Variants in IMMP2L observed in about 807,000 individuals in gnomAD.
The protein encoded by IMMP2L is inner mitochondrial membrane peptidase subunit 2, also known as mitochondrial inner membrane protease subunit 2.
IMMP2L carries 18 observed loss-of-function variants against 19.3 expected under a neutral mutation model. The ratio of observed to expected loss-of-function variants is 0.93; its 90% CI spans 0.64 to 1.38. The LOEUF is 1.38. IMMP2L is among the 40% of genes most tolerant of loss of function. IMMP2L has a pLI of 0.00. For missense variants in IMMP2L, 233 were observed against 218.2 expected (o/e 1.07, Z -0.43); for synonymous variants, 76 against 73.0 (o/e 1.04, Z -0.21).
At chr7:111,548,648 T>A (rs1012073476) in intron 1 of IMMP2L, among the ~76,000 whole-genome samples, 3 of 152,174 alleles carry the variant, frequency 2.0e-5, no homozygotes, top group Admixed American at 2.0e-4. Flanking sequence ...TATAGTTTTT[T>A]TTATAATTTT....
intron 3 of IMMP2L, among the ~76,000 whole-genome samples, chr7:111,397,128 A>G (rs1832956801): frequency 6.6e-6 from 1 of 152,092 alleles, no homozygotes; most frequent in South Asian, 2.1e-4. Flanking sequence ...AGAAAATAAA[A>G]TCACTTATAA....
chr7:111,008,250 C>A (rs889636724), intron 3 of IMMP2L, among the ~76,000 whole-genome samples: 1 of 152,102 alleles, frequency 6.6e-6, no homozygotes, highest in Middle Eastern at 3.4e-3. Context: ...TACTATGACT[C>A]CCCCAATACT....
intron 5 of IMMP2L, among the ~76,000 whole-genome samples, chr7:110,681,799 T>G (rs1055522268): frequency 6.6e-6 from 1 of 151,632 alleles, no homozygotes; most frequent in Admixed American, 6.6e-5. Context: ...GGAGAAGAGG[T>G]TGTAGGAATT....
chr7:110,929,544 C>A lies in IMMP2L; in HGVS notation c.305+33956G>T, dbSNP rs1353177091. ...AGAAAGAAGTTGCTTTCTGTTCAGG[C>A]TGTTTCTATACAAGTACTGAGCATT... On this transcript the variant is annotated intron_variant, in intron 4 of 5. Transcript: ENST00000405709. Among the ~76,000 whole-genome samples, 5 of 152,256 alleles carry A rather than the reference C, an allele frequency of 3.3e-5. 1 individual carries two copies. In the South Asian group the frequency reaches 1.0e-3, roughly 32 times the overall value.
At chr7:111,016,727 T>C (rs1165444003) in intron 3 of IMMP2L, among the ~76,000 whole-genome samples, 1 of 97,758 alleles carries the variant, frequency 1.0e-5, no homozygotes, top group African/African-American at 4.3e-5. Context: ...TATTTATATA[T>C]AAAATATATA....
At chr7:111,405,706 C>T (rs1833848721) in intron 3 of IMMP2L, among the ~76,000 whole-genome samples, 1 of 152,048 alleles carries the variant, frequency 6.6e-6, no homozygotes, top group African/African-American at 2.4e-5. Flanking sequence ...TCCCATTATT[C>T]CTAACCTCTA....
intron 5 of IMMP2L, among the ~76,000 whole-genome samples, chr7:110,751,148 C>T (rs867904907): frequency 1.3e-5 from 2 of 151,296 alleles, no homozygotes; most frequent in South Asian, 2.1e-4. Context: ...CTTTCCACTT[C>T]GTCCCTCACT....
At chr7:111,347,036 GAGA>G (rs1827635901) in intron 3 of IMMP2L, among the ~76,000 whole-genome samples, 1 of 152,012 alleles carries the variant, frequency 6.6e-6, no homozygotes, top group South Asian at 2.1e-4. Context: ...GATTGATAAG[GAGA>G]AGAAGGAAAA....
chr7:110,837,741 G>C (rs540878635), intron 5 of IMMP2L, among the ~76,000 whole-genome samples: 1 of 152,128 alleles, frequency 6.6e-6, no homozygotes, highest in African/African-American at 2.4e-5. Flanking sequence ...GATGAATGGG[G>C]GTTGGGAGGA....
At chr7:110,769,072 T>C (rs1680691996) in intron 5 of IMMP2L, among the ~76,000 whole-genome samples, 2 of 152,220 alleles carry the variant, frequency 1.3e-5, no homozygotes, top group South Asian at 2.1e-4. Flanking sequence ...TTTTGCCTGA[T>C]AGCACAATTT....
chr7:111,115,500 G>A (rs1799768099), intron 3 of IMMP2L, among the ~76,000 whole-genome samples: 1 of 151,920 alleles, frequency 6.6e-6, no homozygotes, highest in Admixed American at 6.6e-5. Flanking sequence ...ATGTGCCTGT[G>A]ATTAAGATTT....
chr7:110,977,727 C>T (rs1295444011), intron 3 of IMMP2L, among the ~76,000 whole-genome samples: 2 of 151,610 alleles, frequency 1.3e-5, no homozygotes, highest in African/African-American at 4.8e-5. Flanking sequence ...TCCTCTTTCC[C>T]TTCTTTCCTT....
chr7:111,253,685 A>T (rs549154742), intron 3 of IMMP2L, among the ~76,000 whole-genome samples: 12 of 152,310 alleles, frequency 7.9e-5, no homozygotes, highest in Admixed American at 5.9e-4. Flanking sequence ...ATTGAGGTCA[A>T]GATTTGCTAC....
chr7:111,469,798 C>A (rs1220115161), intron 3 of IMMP2L, among the ~76,000 whole-genome samples: 1 of 152,072 alleles, frequency 6.6e-6, no homozygotes, highest in African/African-American at 2.4e-5. Flanking sequence ...CAATACCATT[C>A]AGGACATAGG....
At chr7:110,828,458 T>G (rs1248747368) in intron 5 of IMMP2L, among the ~76,000 whole-genome samples, 1 of 152,172 alleles carries the variant, frequency 6.6e-6, no homozygotes, top group Non-Finnish European at 1.5e-5. Context: ...CTGTTTCTTA[T>G]GTCAAATCAA....
At chr7:110,777,982 AAC>A (rs1328288964) in intron 5 of IMMP2L, among the ~76,000 whole-genome samples, 2 of 151,978 alleles carry the variant, frequency 1.3e-5, no homozygotes, top group Non-Finnish European at 2.9e-5. Context: ...TTTTTACTGA[AAC>A]ACCCACACTT....
chr7:111,413,766 G>A (rs10267546), intron 3 of IMMP2L, among the ~76,000 whole-genome samples: 19,394 of 142,400 alleles, frequency 0.14, 2,165 homozygotes, highest in African/African-American at 0.3. Flanking sequence ...GCTTTGTGAT[G>A]TGGGAGCTAG....
chr7:110,752,740 A>G (rs1171153121), intron 5 of IMMP2L, among the ~76,000 whole-genome samples: 1 of 152,064 alleles, frequency 6.6e-6, no homozygotes, highest in Non-Finnish European at 1.5e-5. Context: ...GATGTGGGGA[A>G]GAGAAGAGAA....
intron 2 of IMMP2L, among the ~76,000 whole-genome samples, chr7:111,496,002 A>G (rs577524733): frequency 2.6e-5 from 4 of 152,326 alleles, no homozygotes; most frequent in South Asian, 2.1e-4. Flanking sequence ...CTTTGAAGAC[A>G]TATCTGTGGA....
Sources: allele counts gnomAD v4.1 joint callset (sites outside exome capture counted in the v4.1 genomes callset), GRCh38; gene constraint gnomAD v4.1.1; transcripts MANE v1.5; gene names NCBI Gene and HGNC (gene_info 2026-07-23, HGNC 2026-07-21).